The following ADGRL3 variants were observed in gnomAD, a reference collection of about 807,000 sequenced individuals.
The protein encoded by ADGRL3 is calcium-independent alpha-latrotoxin receptor 3.
A neutral mutation model predicts 153.5 loss-of-function variants in ADGRL3; 62 were observed. The ratio of observed to expected loss-of-function variants is 0.40; its 90% CI spans 0.33 to 0.50. The LOEUF (loss-of-function observed/expected upper bound fraction) is 0.50. Ranked by LOEUF, ADGRL3 falls within the 20% of genes least tolerant of loss-of-function variation. ADGRL3 has a pLI of 0.47. For synonymous variants in ADGRL3, 710 were observed against 672.5 expected (o/e 1.06, Z -0.86); for missense variants, 1,641 against 1,859.4 (o/e 0.88, Z 2.16).
chr4:61,451,414 C>T, intron 2 of ADGRL3, among the ~76,000 whole-genome samples: 1 of 152,214 alleles, frequency 6.6e-6, no homozygotes. Flanking sequence ...TAATAAAAAA[C>T]TCACCAAGGC....
At chr4:61,364,461 A>T (rs1042321931) in intron 1 of ADGRL3, among the ~76,000 whole-genome samples, 1 of 152,152 alleles carries the variant, frequency 6.6e-6, no homozygotes, top group Non-Finnish European at 1.5e-5. Flanking sequence ...TTTTGCTTAA[A>T]AACATATTGT....
intron 8 of ADGRL3, among the ~76,000 whole-genome samples, chr4:61,775,001 A>G (rs1025780064): frequency 6.6e-6 from 1 of 152,072 alleles, no homozygotes; most frequent in African/African-American, 2.4e-5. Flanking sequence ...ATTAACTTCT[A>G]TTTTTCCTAG....
At chr4:61,679,152 C>T (rs747806585) in intron 6 of ADGRL3, among the ~76,000 whole-genome samples, 30 of 152,020 alleles carry the variant, frequency 2.0e-4, no homozygotes, top group Non-Finnish European at 2.5e-4. Context: ...GGAGATTTTA[C>T]TCATGGTATA....
intron 17 of ADGRL3, among the ~76,000 whole-genome samples, chr4:61,973,741 C>G (rs2099037685): frequency 6.6e-6 from 1 of 151,886 alleles, no homozygotes; most frequent in Non-Finnish European, 1.5e-5. Flanking sequence ...AAAATTAACA[C>G]TAGTCTATGG....
intron 2 of ADGRL3, among the ~76,000 whole-genome samples, chr4:61,465,758 A>AATAAATATATATATATATATATAT (rs71664991): frequency 1.5e-5 from 2 of 130,178 alleles, no homozygotes; most frequent in African/African-American, 5.5e-5. Context: ...ATTATATATA[A>AATAAATATATATATATATATATAT]ATATATATAT....
intron 1 of ADGRL3, among the ~76,000 whole-genome samples, chr4:61,360,558 T>A (rs2096267575): frequency 6.6e-6 from 1 of 152,212 alleles, no homozygotes; most frequent in Admixed American, 6.5e-5. Flanking sequence ...TAAAATATTT[T>A]CTTTTAATCT....
rs2096554275 is a variant in ADGRL3 at position 61,739,246 on chromosome 4, CT to C, written c.1399+5695del. ...AAAGTTTTTTTTGGAACTAAGTAGA[CT>C]TTGATTCATATTGTAATAATCTTAT... On this transcript the variant is annotated intron_variant, in intron 8 of 26. Transcript: ENST00000683033. Among the ~76,000 whole-genome samples the C allele has an allele frequency of 4.0e-5, 6 of 151,874 alleles. No individual in the cohort carries two copies. The South Asian group carries it at 1.2e-3, about 32-fold the overall frequency.
chr4:61,219,486 A>G (rs1744389249), intron 1 of ADGRL3, among the ~76,000 whole-genome samples: 1 of 152,128 alleles, frequency 6.6e-6, no homozygotes, highest in Non-Finnish European at 1.5e-5. Flanking sequence ...AAGATCTTTC[A>G]TTTTGTTTAT....
chr4:62,020,164 G>A (rs1386548072), intron 21 of ADGRL3, among the ~76,000 whole-genome samples: 3 of 152,054 alleles, frequency 2.0e-5, no homozygotes, highest in Admixed American at 6.6e-5. Context: ...GAAAAGAGAG[G>A]TGAAAATCCC....
chr4:61,433,059 G>T (rs902772101), intron 2 of ADGRL3, among the ~76,000 whole-genome samples: 1 of 151,902 alleles, frequency 6.6e-6, no homozygotes, highest in African/African-American at 2.4e-5. Context: ...TGGCCCCTGG[G>T]CATCACTATG....
intron 2 of ADGRL3, among the ~76,000 whole-genome samples, chr4:61,422,866 T>C (rs752596923): frequency 1.3e-5 from 2 of 151,952 alleles, no homozygotes; most frequent in Non-Finnish European, 2.9e-5. Flanking sequence ...TATGTATGTG[T>C]ACATATAAAT....
intron 2 of ADGRL3, among the ~76,000 whole-genome samples, chr4:61,393,931 G>A (rs1023990523): frequency 2.0e-5 from 3 of 151,948 alleles, no homozygotes; most frequent in African/African-American, 7.2e-5. Context: ...GTCTAGTTGG[G>A]GCTACAGAAA....
chr4:61,328,964 T>C (rs1009480262), intron 1 of ADGRL3, among the ~76,000 whole-genome samples: 2 of 152,156 alleles, frequency 1.3e-5, no homozygotes, highest in African/African-American at 4.8e-5. Context: ...GGAGACTTGA[T>C]TACTATCTCT....
chr4:61,548,971 A>G (rs754628442), intron 4 of ADGRL3, among the ~76,000 whole-genome samples: 12 of 151,932 alleles, frequency 7.9e-5, no homozygotes, highest in Non-Finnish European at 1.5e-4. Flanking sequence ...ATCGATGAGG[A>G]TGGAGTGTTT....
chr4:61,937,445 C>T (rs2098844126), intron 15 of ADGRL3, among the ~76,000 whole-genome samples: 1 of 147,474 alleles, frequency 6.8e-6, no homozygotes, highest in Non-Finnish European at 1.5e-5. Context: ...TCTTAGAATA[C>T]AATTTTTACA....
intron 25 of ADGRL3, among the ~76,000 whole-genome samples, chr4:62,061,336 A>T (rs1053583147): frequency 2.6e-5 from 4 of 151,894 alleles, no homozygotes; most frequent in African/African-American, 9.7e-5. Flanking sequence ...TAATACCGAG[A>T]AATATTGTAT....
intron 9 of ADGRL3, among the ~76,000 whole-genome samples, chr4:61,829,955 C>G (rs2148847064): frequency 6.6e-6 from 1 of 151,994 alleles, no homozygotes; most frequent in South Asian, 2.1e-4. Context: ...TCTCTTGAGA[C>G]CAGGAGTTTG....
At chr4:61,499,355 C>A (rs1203866902) in intron 3 of ADGRL3, among the ~76,000 whole-genome samples, 1 of 152,130 alleles carries the variant, frequency 6.6e-6, no homozygotes, top group African/African-American at 2.4e-5. Flanking sequence ...AAAATCTTTT[C>A]TTAATTCATA....
At chr4:61,920,941 C>A (rs539047359) in intron 13 of ADGRL3, among the ~76,000 whole-genome samples, 1 of 152,120 alleles carries the variant, frequency 6.6e-6, no homozygotes, top group Non-Finnish European at 1.5e-5. Flanking sequence ...GGATATTGGG[C>A]AACTAGCAGC....
Sources: allele counts gnomAD v4.1 joint callset (sites outside exome capture counted in the v4.1 genomes callset), GRCh38; gene constraint gnomAD v4.1.1; transcripts MANE v1.5; gene names NCBI Gene and HGNC (gene_info 2026-07-23, HGNC 2026-07-21).